Variants in STXBP5L observed in about 807,000 individuals in gnomAD.
STXBP5L encodes syntaxin-binding protein 5-like.
Under a neutral mutation model 144.5 loss-of-function variants are expected in STXBP5L, and 65 were observed. The ratio of observed to expected loss-of-function variants is 0.45; its 90% CI spans 0.37 to 0.55. STXBP5L has a LOEUF of 0.55. Ranked by LOEUF, STXBP5L falls within the 20% of genes least tolerant of loss-of-function variation. STXBP5L has a pLI of 0.00. For synonymous variants in STXBP5L, 505 were observed against 469.6 expected (o/e 1.08, Z -0.97); for missense variants, 1,298 against 1,405.5 (o/e 0.92, Z 1.22).
At chr3:121,305,882 A>G (rs181182720) in intron 19 of STXBP5L, among the ~76,000 whole-genome samples, 42 of 152,318 alleles carry the variant, frequency 2.8e-4, no homozygotes, top group African/African-American at 9.9e-4. Context: ...TGGTGTATGT[A>G]GAAAACCCAA....
chr3:121,313,533 A>C (rs1307343620), intron 19 of STXBP5L, among the ~76,000 whole-genome samples: 3 of 11,366 alleles, frequency 2.6e-4, no homozygotes, highest in Non-Finnish European at 4.7e-4. Context: ...GGAGCCCCTC[A>C]CTCCCGGACG....
intron 18 of STXBP5L, among the ~76,000 whole-genome samples, chr3:121,263,320 C>T (rs2050446263): frequency 1.3e-5 from 2 of 152,130 alleles, no homozygotes; most frequent in Admixed American, 1.3e-4. Context: ...CTGAAGGTCA[C>T]CAACATCAAA....
chr3:121,213,357 T>C (rs1028969583), intron 10 of STXBP5L, among the ~76,000 whole-genome samples: 2 of 152,204 alleles, frequency 1.3e-5, no homozygotes. Context: ...TTCTCATAAA[T>C]AGCTCTTATT....
chr3:121,340,732 C>T (rs552382305), intron 20 of STXBP5L, among the ~76,000 whole-genome samples: 11 of 151,872 alleles, frequency 7.2e-5, no homozygotes, highest in Non-Finnish European at 1.3e-4. Flanking sequence ...ACTGGGTTTG[C>T]GGTGTGTAAA....
chr3:121,320,255 GT>G (rs1266308204), intron 20 of STXBP5L, among the ~76,000 whole-genome samples: 2 of 151,602 alleles, frequency 1.3e-5, no homozygotes, highest in East Asian at 1.9e-4. Context: ...CTTTGTGTTT[GT>G]TTTTTTCCTA....
At chr3:121,324,707 A>C (rs764540270) in intron 20 of STXBP5L, 9 of 547,998 alleles carry the variant, frequency 1.6e-5, no homozygotes, top group South Asian at 5.2e-5. Context: ...CAAGTCCTTC[A>C]TGGTGTATGA....
intron 17 of STXBP5L, among the ~76,000 whole-genome samples, chr3:121,258,627 G>A (rs1490546451): frequency 6.6e-6 from 1 of 152,082 alleles, no homozygotes; most frequent in Admixed American, 6.6e-5. Context: ...AGCTTTAAAG[G>A]AAAATAGGAA....
At position 121,310,736 on chromosome 3, in the gene STXBP5L, A is replaced by G. The variant is rs562193589; in HGVS notation, c.2111-7739A>G. 1.0e-4 allele frequency among the ~76,000 whole-genome samples: 15 copies of G among 149,714 alleles called. No homozygotes were observed. In the South Asian group the frequency reaches 3.2e-3, roughly 32 times the overall value. On this transcript the variant is annotated intron_variant, in intron 19 of 26. Coordinates refer to ENST00000471454, the MANE Select transcript of STXBP5L (RefSeq NM_001308330.2). ...CCAGCCTGGCCAACATGGTGAAACC[A>G]TGTCTCTACTAAAAATACCAAAATT...
chr3:121,230,281 A>T (rs1380917716), intron 11 of STXBP5L, among the ~76,000 whole-genome samples: 3 of 152,186 alleles, frequency 2.0e-5, no homozygotes, highest in African/African-American at 7.2e-5. Flanking sequence ...AGGCATTCCC[A>T]TCAAATCAAC....
rs568640763 is a variant in STXBP5L, at chr3:121,080,124, G to A, written c.470+34589G>A. On this transcript the variant is annotated intron_variant, in intron 5 of 26. Coordinates refer to ENST00000471454, the MANE Select transcript of STXBP5L (RefSeq NM_001308330.2). ...CTGTTATTGTTTTAAAGTCTGTTTT[G>A]TCTGATATAAGAATAGCTAGTTCTG... Among the ~76,000 whole-genome samples, 30 of 151,922 alleles carry A rather than the reference G, an allele frequency of 2.0e-4. No individual in the cohort carries two copies. In the South Asian group the frequency reaches 5.4e-3, roughly 27 times the overall value.
chr3:121,153,645 G>A (rs1280661334), intron 8 of STXBP5L, among the ~76,000 whole-genome samples: 2 of 151,620 alleles, frequency 1.3e-5, no homozygotes, highest in African/African-American at 4.8e-5. Context: ...TTAAGTTTCG[G>A]TGCTTAAAGA....
chr3:121,185,538 C>A (rs1039558911), intron 9 of STXBP5L, among the ~76,000 whole-genome samples: 2 of 152,120 alleles, frequency 1.3e-5, no homozygotes, highest in East Asian at 1.9e-4. Flanking sequence ...TTGCCAGCAC[C>A]ATTTATTGAA....
chr3:121,007,857 G>T (rs1414446719), intron 3 of STXBP5L, among the ~76,000 whole-genome samples: 1 of 151,924 alleles, frequency 6.6e-6, no homozygotes, highest in Non-Finnish European at 1.5e-5. Context: ...TTACTACACA[G>T]TTACTCTTAT....
intron 7 of STXBP5L, among the ~76,000 whole-genome samples, chr3:121,126,284 C>A (rs1198354583): frequency 6.6e-6 from 1 of 152,176 alleles, no homozygotes; most frequent in Non-Finnish European, 1.5e-5. Flanking sequence ...TAACATATGT[C>A]TGTGGCTGCT....
At chr3:121,228,470 T>A (rs2049192429) in intron 11 of STXBP5L, among the ~76,000 whole-genome samples, 4 of 152,220 alleles carry the variant, frequency 2.6e-5, no homozygotes, top group Non-Finnish European at 4.4e-5. Flanking sequence ...AACTAGGTAG[T>A]TCTCAGGAAG....
intron 19 of STXBP5L, among the ~76,000 whole-genome samples, chr3:121,300,887 G>A (rs372919493): frequency 6.6e-6 from 1 of 152,112 alleles, no homozygotes; most frequent in Non-Finnish European, 1.5e-5. Flanking sequence ...CAAAAACAGT[G>A]TATATGCTAT....
intron 3 of STXBP5L, among the ~76,000 whole-genome samples, chr3:121,034,044 AT>A (rs1946576084): frequency 6.6e-6 from 1 of 152,120 alleles, no homozygotes. Context: ...TTTGGATATT[AT>A]TTTAAAATGA....
intron 5 of STXBP5L, among the ~76,000 whole-genome samples, chr3:121,081,377 C>T (rs1576885381): frequency 6.6e-6 from 1 of 151,920 alleles, no homozygotes; most frequent in Admixed American, 6.6e-5. Context: ...TTTTAAATTT[C>T]TTTCTGCTCT....
At chr3:121,329,282 C>A (rs1190335862) in intron 20 of STXBP5L, among the ~76,000 whole-genome samples, 2 of 152,128 alleles carry the variant, frequency 1.3e-5, no homozygotes, top group Non-Finnish European at 1.5e-5. Context: ...GTCAGTATAA[C>A]CTGCAATTCT....
Sources: gnomAD v4.1 joint callset for allele counts (sites outside exome capture counted in the v4.1 genomes callset) on GRCh38, gnomAD v4.1.1 for gene constraint, MANE v1.5 for transcripts, NCBI Gene and HGNC (gene_info 2026-07-23, HGNC 2026-07-21) for gene names.